TBC1D22A: variants seen among roughly 807,000 people sequenced by gnomAD.
The protein encoded by TBC1D22A is TBC1 domain family member 22A.
TBC1D22A carries 38 observed loss-of-function variants against 60.2 expected under a neutral mutation model. The observed-to-expected ratio is 0.63, with a 90% CI of 0.49 to 0.83. The LOEUF (loss-of-function observed/expected upper bound fraction) is 0.83, where lower values mean the gene tolerates loss of function less well. Among genes scored for constraint, TBC1D22A ranks in the 40% least tolerant of loss-of-function variants. The probability of loss-of-function intolerance (pLI) is 0.00; values close to 1 mark genes in which losing one functional copy is unlikely to be tolerated. For synonymous variants in TBC1D22A, 302 were observed against 281.7 expected (o/e 1.07, Z -0.72); for missense variants, 628 against 701.0 (o/e 0.90, Z 1.18).
At chr22:47,162,979 C>A (rs947588643) in intron 12 of TBC1D22A, among the ~76,000 whole-genome samples, 2 of 152,244 alleles carry the variant, frequency 1.3e-5, no homozygotes, top group Non-Finnish European at 2.9e-5. Context: ...ATCTGCGAAC[C>A]CCACCTCAGG....
intron 12 of TBC1D22A, among the ~76,000 whole-genome samples, chr22:47,136,679 A>G (rs1488748189): frequency 1.3e-5 from 2 of 150,724 alleles, no homozygotes; most frequent in Non-Finnish European, 3.0e-5. Flanking sequence ...AGGGATTCTG[A>G]GTGGCCTTTC....
chr22:46,788,334 G>A (rs933632027), intron 1 of TBC1D22A, among the ~76,000 whole-genome samples: 3 of 152,138 alleles, frequency 2.0e-5, no homozygotes, highest in African/African-American at 7.2e-5. Context: ...AAGATTAAAG[G>A]ACTTAACACA....
chr22:47,029,267 G>A (rs919885879), intron 10 of TBC1D22A, among the ~76,000 whole-genome samples: 2 of 81,022 alleles, frequency 2.5e-5, no homozygotes, highest in Non-Finnish European at 4.6e-5. Flanking sequence ...CCTTCCCATG[G>A]GGCCCAGGGA....
chr22:46,789,319 G>T (rs1330566613), intron 1 of TBC1D22A: 1 of 412,372 alleles, frequency 2.4e-6, no homozygotes, highest in Admixed American at 2.9e-5. Context: ...TAGAGACGGG[G>T]TTTCACTGTG....
At chr22:47,115,638 G>A (rs953890404) in intron 12 of TBC1D22A, among the ~76,000 whole-genome samples, 1 of 152,168 alleles carries the variant, frequency 6.6e-6, no homozygotes, top group Non-Finnish European at 1.5e-5. Context: ...GGGGTGAGGC[G>A]AGCAGGGACC....
At chr22:46,972,569 G>A (rs769222232) in intron 8 of TBC1D22A, among the ~76,000 whole-genome samples, 1 of 152,208 alleles carries the variant, frequency 6.6e-6, no homozygotes, top group African/African-American at 2.4e-5. Flanking sequence ...GATTCCAGCA[G>A]TGTGAAATGT....
intron 12 of TBC1D22A, among the ~76,000 whole-genome samples, chr22:47,162,086 C>T (rs1472775222): frequency 6.6e-6 from 1 of 152,148 alleles, no homozygotes; most frequent in African/African-American, 2.4e-5. Context: ...TGAATGCCAG[C>T]ATTTCCTCCT....
At chr22:47,085,130 A>G (rs950398000) in intron 11 of TBC1D22A, among the ~76,000 whole-genome samples, 7 of 152,138 alleles carry the variant, frequency 4.6e-5, no homozygotes, top group Admixed American at 1.3e-4. Flanking sequence ...AAAATACAAA[A>G]ATTAGCCGGA....
chr22:46,853,632 T>C (rs2087408107), intron 4 of TBC1D22A, among the ~76,000 whole-genome samples: 1 of 152,206 alleles, frequency 6.6e-6, no homozygotes, highest in African/African-American at 2.4e-5. Context: ...TCGCTGAAAC[T>C]GGTCACCAAA....
intron 11 of TBC1D22A, among the ~76,000 whole-genome samples, chr22:47,098,228 T>C (rs1447755480): frequency 6.6e-6 from 1 of 152,218 alleles, no homozygotes; most frequent in Admixed American, 6.5e-5. Context: ...AAGATGGTGT[T>C]GGCTCTAAGA....
At chr22:47,131,267 G>A (rs535780734) in intron 12 of TBC1D22A, among the ~76,000 whole-genome samples, 1 of 152,348 alleles carries the variant, frequency 6.6e-6, no homozygotes, top group African/African-American at 2.4e-5. Context: ...TACTCAGCAA[G>A]TGCCACATGT....
At chr22:47,151,920 C>T (rs1395936512) in intron 12 of TBC1D22A, among the ~76,000 whole-genome samples, 1 of 152,176 alleles carries the variant, frequency 6.6e-6, no homozygotes, top group African/African-American at 2.4e-5. Flanking sequence ...AGCAATGTCA[C>T]CTCTGGGGTC....
chr22:46,774,040 G>A, intron 1 of TBC1D22A: 1 of 985,586 alleles, frequency 1.0e-6, no homozygotes, highest in Non-Finnish European at 1.2e-6. Flanking sequence ...CCAGGAATCT[G>A]ATCCTGCTGT....
intron 5 of TBC1D22A, among the ~76,000 whole-genome samples, chr22:46,888,858 G>A (rs113455442): frequency 0.014 from 2,201 of 152,168 alleles, 56 homozygotes; most frequent in African/African-American, 0.05. Flanking sequence ...GGCATGTGCC[G>A]CCACATCTGG....
chr22:46,814,446 C>T (rs1200069622), intron 4 of TBC1D22A, among the ~76,000 whole-genome samples: 1 of 152,176 alleles, frequency 6.6e-6, no homozygotes, highest in East Asian at 1.9e-4. Flanking sequence ...ACAGGCTCTC[C>T]TGCCTGCTGT....
chr22:47,100,025 A>G (rs879421712), intron 11 of TBC1D22A, among the ~76,000 whole-genome samples: 7 of 152,186 alleles, frequency 4.6e-5, no homozygotes, highest in South Asian at 2.1e-4. Flanking sequence ...GAGAGTGGGT[A>G]GATGCTGACA....
At position 46,977,785 on chromosome 22, in the gene TBC1D22A, G is replaced by C. The variant is rs543017332; in HGVS notation, c.1125+3386G>C. ...GGCTGGAGGTGGAGGGAGGGGTTGG[G>C]GGAGGTGCCACACACTTTTAAACAA... On this transcript the variant is annotated intron_variant, in intron 9 of 12. Coordinates refer to ENST00000337137, the MANE Select transcript of TBC1D22A (RefSeq NM_014346.5). Among the ~76,000 whole-genome samples the C allele has an allele frequency of 3.3e-5, 5 of 152,284 alleles. No individual in the cohort carries two copies. In the South Asian group the frequency reaches 1.0e-3, roughly 32 times the overall value.
chr22:46,863,951 C>T (rs1388125379), intron 4 of TBC1D22A, among the ~76,000 whole-genome samples: 1 of 152,194 alleles, frequency 6.6e-6, no homozygotes, highest in African/African-American at 2.4e-5. Context: ...TAGCATTGTA[C>T]AGAGGCCTCT....
intron 8 of TBC1D22A, among the ~76,000 whole-genome samples, chr22:46,916,295 G>T (rs186443245): frequency 2.2e-4 from 33 of 152,204 alleles, no homozygotes; most frequent in Non-Finnish European, 3.8e-4. Context: ...AGTTTGTAGT[G>T]GGGGAGCAAT....
Sources: gnomAD v4.1 joint callset for allele counts (sites outside exome capture counted in the v4.1 genomes callset) on GRCh38, gnomAD v4.1.1 for gene constraint, MANE v1.5 for transcripts, NCBI Gene and HGNC (gene_info 2026-07-23, HGNC 2026-07-21) for gene names.